The following AJUBA variants were observed in gnomAD, a reference collection of about 807,000 sequenced individuals.
AJUBA encodes the protein LIM domain-containing protein ajuba.
Under a neutral mutation model 53.3 loss-of-function variants are expected in AJUBA, and 20 were observed. The ratio of observed to expected loss-of-function variants is 0.38; its 90% CI spans 0.26 to 0.55. The LOEUF (loss-of-function observed/expected upper bound fraction) is 0.55, where lower values mean the gene tolerates loss of function less well. Among genes scored for constraint, AJUBA ranks in the 20% least tolerant of loss-of-function variants. The pLI is 0.80. For missense variants in AJUBA, 580 were observed against 730.5 expected, an observed-to-expected ratio of 0.79 and a Z score of 2.38; for synonymous variants, 296 against 306.2, an observed-to-expected ratio of 0.97 and a Z score of 0.35.
chr14:22,981,813 C>G lies in AJUBA; in HGVS notation c.454G>C (p.Ala152Pro). 6.5e-7 allele frequency: 1 copy of G among 1,533,792 alleles called. No individual in the cohort carries two copies. The highest frequency in any genetic ancestry group is 8.7e-7 in the Non-Finnish European group (1 of 1,146,176). ...TTGCTGCAGGGCCGGCTACCTCCAG[C>G]TCCGCCAGCCCCCGCCCCGTCCAGC... ...LLLDGAGAGG[A>P]GGSRPCSNRT... The change falls in exon 1 of 8, where the codon GCT (alanine) becomes CCT (proline). Residue 152 changes from alanine (A) to proline (P), a missense_variant. Ala to Pro is a conservative substitution (Grantham distance 27, BLOSUM62 -1). Around this residue, in one of 2 missense-constraint regions of AJUBA, gnomAD observed 430 missense variants for 471.5 expected, o/e 0.91. Transcript: ENST00000262713.
chr14:22,974,953 C>T (rs1476376931), intron 5 of AJUBA, 21 bp downstream of exon 5: 1 of 1,613,908 alleles, frequency 6.2e-7, no homozygotes, highest in Non-Finnish European at 8.5e-7. Flanking sequence ...TTCCACACTG[C>T]ATCCCAAGGG....
rs10130692 is a variant in AJUBA, at chr14:22,975,038, G to T, written c.1306C>A (p.Leu436Met). Reference protein sequence around the residue: ...CFRCIVCNKCLDGIPFTVDFS... With the variant: ...CFRCIVCNKCMDGIPFTVDFS... ...TCCACTGTGAAGGGGATGCCATCCA[G>T]GCACTTGTTGCAAACAATGCATCGG... Residue 436 changes from leucine to methionine, a missense_variant, in exon 5 of 8, where the codon CTG becomes ATG. Leu to Met is a conservative substitution (Grantham distance 15, BLOSUM62 2). Coordinates refer to ENST00000262713, the MANE Select transcript of AJUBA (RefSeq NM_032876.6). The T allele has an allele frequency of 6.2e-7, 1 of 1,614,040 alleles. No homozygotes were observed. The highest frequency in any genetic ancestry group is 1.3e-5 in the African/African-American group (1 of 74,908).
At chr14:22,978,085 G>A (rs1028870722) in intron 2 of AJUBA, among the ~76,000 whole-genome samples, 8 of 151,924 alleles carry the variant, frequency 5.3e-5, no homozygotes, top group Admixed American at 3.3e-4. Context: ...AGGGAAGCAC[G>A]AGAGGGAGAA....
At position 22,981,334 on chromosome 14, in the gene AJUBA, C is replaced by G; in HGVS notation, c.933G>C (p.Glu311Asp). 2 of 1,613,272 alleles carry G rather than the reference C, an allele frequency of 1.2e-6. No individual in the cohort carries two copies. Among genetic ancestry groups the G allele is most frequent in the Non-Finnish European group, 1.7e-6 (2 of 1,179,820 alleles). The change falls in exon 1 of 8, where the codon GAG (glutamate) becomes GAC (aspartate). Residue 311 changes from glutamate to aspartate, a missense_variant. Physicochemically the swap from Glu to Asp is conservative, Grantham distance 45. Transcript: ENST00000262713. ...PSGIEPSGLE[E>D]PPGPFVPEAA... ...CCTCCGGAACGAAAGGACCTGGTGG[C>G]TCCTCCAGACCCGACGGCTCAATCC...
Position 22,972,950 on chromosome 14 carries a change from G to A in AJUBA, c.*493C>T, listed in dbSNP as rs2044997824. The A allele has an allele frequency of 6.3e-6, 1 of 158,278 alleles. No individual in the cohort carries two copies. The highest frequency in any genetic ancestry group is 1.4e-5 in the Non-Finnish European group (1 of 71,290). The allele number at this position is 158,278 out of a possible 1,614,324, so 9.8% of individuals were successfully genotyped here. A position where few individuals can be genotyped will look rare whatever the true frequency, so the allele number is the denominator to read the frequency against. ...CTGAAACTAATTGATTTAAAGCTAGGTCCTCTACTCCTGGAATCCAGGACC... is the reference window on the plus strand; with the variant it reads ...CTGAAACTAATTGATTTAAAGCTAGATCCTCTACTCCTGGAATCCAGGACC... On this transcript the variant is annotated 3_prime_UTR_variant, in exon 8 of 8. Transcript: ENST00000262713.
chr14:22,973,502 A>G lies in AJUBA; in HGVS notation c.1558T>C (p.Cys520Arg), dbSNP rs2045004307. ...CCFPLDGHLL[C>R]HGCHMQRLNA... ...AGCCGCTGCATGTGGCAACCATGGC[A>G]GAGCAAGTGCCCATCCAGAGGGAAA... Residue 520 changes from cysteine to arginine, a missense_variant, in exon 8 of 8, where the codon TGC (cysteine) becomes CGC (arginine). Cys to Arg is a radical substitution (Grantham distance 180). This residue lies in a region of AJUBA where 150 missense variants were observed against 259.0 expected (regional missense o/e 0.58). Coordinates refer to ENST00000262713, the MANE Select transcript of AJUBA (RefSeq NM_032876.6). 1 of 1,614,160 alleles carries G rather than the reference A, an allele frequency of 6.2e-7. No homozygotes were observed. Among genetic ancestry groups the G allele is most frequent in the Non-Finnish European group, 8.5e-7 (1 of 1,180,018 alleles).
At chr14:22,976,598 G>A (rs369150221) in intron 3 of AJUBA, 47 bp downstream of exon 3, 10 of 1,612,742 alleles carry the variant, frequency 6.2e-6, no homozygotes, top group South Asian at 1.1e-5. Context: ...CACCAAGAAG[G>A]GGGTCAGTAT....
rs529615482 is a variant in AJUBA, at chr14:22,971,417, A to T, written c.*2026T>A. 1 of 152,328 alleles carries T rather than the reference A, an allele frequency of 6.6e-6. No individual in the cohort carries two copies. Among genetic ancestry groups the T allele is most frequent in the South Asian group, 2.1e-4 (1 of 4,832 alleles). 9.4% of individuals were successfully genotyped at this position (152,328 alleles called of 1,614,324 possible). On this transcript the variant is annotated 3_prime_UTR_variant, in exon 8 of 8. Coordinates refer to ENST00000262713, the MANE Select transcript of AJUBA (RefSeq NM_032876.6). ...CCTTAGAATAGCCCCCAAATGTGGA[A>T]ATTCTGTTGTCAGGAGTCATCATTT...
In AJUBA at chr14:22,981,346, C is replaced by G; in HGVS notation, c.921G>C (p.Ser307=). The change falls in exon 1 of 8, where the codon TCG becomes TCC. Residue 307 remains serine (S), a synonymous_variant. Transcript: ENST00000262713. Reference sequence around the variant, plus strand: ...AAGGACCTGGTGGCTCCTCCAGACCCGACGGCTCAATCCCCGAGGGTTCTC... The same window carrying G: ...AAGGACCTGGTGGCTCCTCCAGACCGGACGGCTCAATCCCCGAGGGTTCTC... The part of the protein sequence containing the change: ...ARGEPSGIEP[S]GLEEPPGPFV... The G allele has an allele frequency of 1.2e-6, 2 of 1,613,376 alleles. No individual in the cohort carries two copies. Among genetic ancestry groups the G allele is most frequent in the Non-Finnish European group, 1.7e-6 (2 of 1,179,976 alleles).
chr14:22,973,266 C>A lies in AJUBA; in HGVS notation c.*177G>T, dbSNP rs1000329378. The A allele has an allele frequency of 3.0e-6, 3 of 1,000,406 alleles. No individual in the cohort carries two copies. The African/African-American group carries it at 4.9e-5, about 16-fold the overall frequency. The allele number at this position is 1,000,406 out of a possible 1,614,324, so 62.0% of individuals were successfully genotyped here. A position where few individuals can be genotyped will look rare whatever the true frequency, so the allele number is the denominator to read the frequency against. On this transcript the variant is annotated 3_prime_UTR_variant, in exon 8 of 8. Coordinates refer to ENST00000262713, the MANE Select transcript of AJUBA (RefSeq NM_032876.6). ...CCCCACCCTGGTAAATATAAGGTTTCTCTTCCACAATCCATTTGGAATATC... is the reference window on the plus strand; with the variant it reads ...CCCCACCCTGGTAAATATAAGGTTTATCTTCCACAATCCATTTGGAATATC...
chr14:22,975,207 C>A, intron 4 of AJUBA, 103 bp from the exon 5 acceptor site: 1 of 1,454,968 alleles, frequency 6.9e-7, no homozygotes, highest in South Asian at 1.3e-5. Context: ...CAACCCGCTG[C>A]TATACTCCCA....
chr14:22,981,460 G>A lies in AJUBA; in HGVS notation c.807C>T (p.Asp269=). ...PGRHSVTGYG[D]CAVGARYQDE... ...CCTGGTACCGGGCGCCCACGGCGCA[G>A]TCCCCGTAGCCGGTCACAGAGTGTC... The change falls in exon 1 of 8, where the codon GAC becomes GAT. Residue 269 remains aspartate, a synonymous_variant. Coordinates refer to ENST00000262713, the MANE Select transcript of AJUBA (RefSeq NM_032876.6). The A allele has an allele frequency of 6.2e-7, 1 of 1,608,726 alleles. No homozygotes were observed. The highest frequency in any genetic ancestry group is 8.5e-7 in the Non-Finnish European group (1 of 1,178,400).
At chr14:22,974,944 T>A in intron 5 of AJUBA, 30 bp downstream of exon 5, 4 of 1,613,962 alleles carry the variant, frequency 2.5e-6, no homozygotes, top group Non-Finnish European at 3.4e-6. Context: ...TGGACCCAGT[T>A]CCACACTGCA....
chr14:22,979,234 G>A lies in AJUBA; in HGVS notation c.1007-789C>T. 1 of 789,376 alleles carries A rather than the reference G, an allele frequency of 1.3e-6. No homozygotes were observed. The highest frequency in any genetic ancestry group is 5.8e-5 in the South Asian group (1 of 17,264). The allele number at this position is 789,376 out of a possible 1,614,324, so 48.9% of individuals were successfully genotyped here. A position where few individuals can be genotyped will look rare whatever the true frequency, so the allele number is the denominator to read the frequency against. On this transcript the variant is annotated intron_variant, in intron 1 of 7. Transcript: ENST00000262713. This position sits in a 1 kb window ranked among gnomAD's most constrained non-coding sequence, Gnocchi z 4.0. ...CCTGGCTCTGGGACTTGCCTTTCCT[G>A]GGTGTGTTCTTCCCTCCCTCCACTC...
At chr14:22,976,847 T>C in intron 2 of AJUBA, 135 bp from the exon 3 acceptor site, 3 of 1,449,456 alleles carry the variant, frequency 2.1e-6, no homozygotes, top group Non-Finnish European at 2.7e-6. Flanking sequence ...CTGTCTGTCC[T>C]TCCCCGCACA....
At chr14:22,980,492 A>G (rs2045076483) in intron 1 of AJUBA, 10 of 648,538 alleles carry the variant, frequency 1.5e-5, no homozygotes, top group Non-Finnish European at 1.9e-5. Context: ...GTCGTTATCC[A>G]TCCAGAGGTA....
rs755784589 is a variant in AJUBA, at chr14:22,982,014, A to C, written c.253T>G (p.Tyr85Asp). 2.3e-5 allele frequency: 37 copies of C among 1,587,636 alleles called. No homozygotes were observed. Among genetic ancestry groups the C allele is most frequent in the Non-Finnish European group, 3.0e-5 (35 of 1,171,974 alleles). ...NQRGSFEAPR[Y>D]EGSFPAGPPP... ...GGCCCCGCGGGAAAAGAGCCTTCGT[A>C]GCGCGGCGCCTCAAAGGAGCCGCGC... The change falls in exon 1 of 8, where the codon TAC (tyrosine) becomes GAC (aspartate). Residue 85 changes from tyrosine to aspartate, a missense_variant. Physicochemically the swap from Tyr to Asp is radical, Grantham distance 160. Coordinates refer to ENST00000262713, the MANE Select transcript of AJUBA (RefSeq NM_032876.6).
rs1040852752 is a variant in AJUBA at position 22,982,133 on chromosome 14, C to T, written c.134G>A (p.Arg45Lys). The T allele has an allele frequency of 1.2e-6, 2 of 1,606,614 alleles. No individual in the cohort carries two copies. Among genetic ancestry groups the T allele is most frequent in the Non-Finnish European group, 1.7e-6 (2 of 1,177,010 alleles). Residue 45 changes from arginine (R) to lysine (K), a missense_variant, in exon 1 of 8, where the codon AGG becomes AAG. Arg to Lys is a conservative substitution (Grantham distance 26). Coordinates refer to ENST00000262713, the MANE Select transcript of AJUBA (RefSeq NM_032876.6). The part of the protein sequence containing the change: ...KGRLSGLGGP[R>K]KSGPRGATGG... The stretch of plus-strand genomic sequence containing the variant: ...AGTAGCTCCTCGGGGCCCTGACTTC[C>T]TAGGTCCCCCCAACCCACTTAGGCG...
At position 22,982,543 on chromosome 14, in the gene AJUBA, C is replaced by T; in HGVS notation, c.-277G>A. 1 of 1,299,608 alleles carries T rather than the reference C, an allele frequency of 7.7e-7. No homozygotes were observed. Among genetic ancestry groups the T allele is most frequent in the Admixed American group, 4.0e-5 (1 of 25,030 alleles). The allele number at this position is 1,299,608 out of a possible 1,614,324, so 80.5% of individuals were successfully genotyped here. A position where few individuals can be genotyped will look rare whatever the true frequency, so the allele number is the denominator to read the frequency against. ...AGGTCTATCTGTTCACGCGTCGACTCGCCCGACTGCCCCACTCTCCCCGGC... is the reference window on the plus strand; with the variant it reads ...AGGTCTATCTGTTCACGCGTCGACTTGCCCGACTGCCCCACTCTCCCCGGC... On this transcript the variant is annotated 5_prime_UTR_variant, in exon 1 of 8. Coordinates refer to ENST00000262713, the MANE Select transcript of AJUBA (RefSeq NM_032876.6).
Sources: allele counts gnomAD v4.1 joint callset (sites outside exome capture counted in the v4.1 genomes callset), GRCh38; gene constraint gnomAD v4.1.1; regional missense constraint gnomAD v4.1.1; non-coding constraint Gnocchi (gnomAD v3.1); transcripts MANE v1.5; gene names NCBI Gene and HGNC (gene_info 2026-07-23, HGNC 2026-07-21).